The following MRPL15 variants were observed in gnomAD, a reference collection of about 807,000 sequenced individuals.
MRPL15 encodes the protein mitochondrial ribosomal protein L15, also known as large ribosomal subunit protein uL15m.
MRPL15 carries 24 observed loss-of-function variants against 28.0 expected under a neutral mutation model. The observed-to-expected ratio is 0.86, with a 90% CI of 0.62 to 1.21. The LOEUF (loss-of-function observed/expected upper bound fraction) is 1.21, where lower values mean the gene tolerates loss of function less well. Ranked by LOEUF, MRPL15 falls within the 50% of genes most tolerant of loss-of-function variation. The probability of loss-of-function intolerance (pLI) is 0.00; values close to 1 mark genes in which losing one functional copy is unlikely to be tolerated. For missense variants in MRPL15, 343 were observed against 372.4 expected (o/e 0.92, Z 0.65); for synonymous variants, 124 against 137.0 (o/e 0.90, Z 0.66).
At position 54,135,319 on chromosome 8, in the gene MRPL15, C is replaced by G; in HGVS notation, c.36C>G (p.Ala12=). Residue 12 remains alanine (A), a synonymous_variant, in exon 1 of 5, where the codon GCC becomes GCG. Coordinates refer to ENST00000260102, the MANE Select transcript of MRPL15 (RefSeq NM_014175.4). The stretch of plus-strand genomic sequence containing the variant: ...CCTTGCAGGGCGGTGGGGCCCGGGC[C>G]CTGGACCTACTCCGGGGCCTGCCGC... ...AGPLQGGGAR[A]LDLLRGLPRV... 1 of 1,473,706 alleles carries G rather than the reference C, an allele frequency of 6.8e-7. No homozygotes were observed. The highest frequency in any genetic ancestry group is 1.5e-5 in the African/African-American group (1 of 68,390). The allele number at this position is 1,473,706 out of a possible 1,614,324, so 91.3% of individuals were successfully genotyped here.
intron 3 of MRPL15, among the ~76,000 whole-genome samples, chr8:54,139,621 C>T (rs931579523): frequency 2.0e-5 from 3 of 152,224 alleles, no homozygotes; most frequent in Middle Eastern, 3.4e-3. Context: ...ATAAAAATAA[C>T]CCTGAAAACT....
At chr8:54,141,472 A>G (rs1810924686) in intron 3 of MRPL15, among the ~76,000 whole-genome samples, 1 of 152,204 alleles carries the variant, frequency 6.6e-6, no homozygotes, top group Admixed American at 6.5e-5. Context: ...GTGTACATAA[A>G]ATGGAAATGT....
At position 54,136,526 on chromosome 8, in the gene MRPL15, G is replaced by A. The variant is rs1188700754; in HGVS notation, c.124G>A (p.Gly42Ser). 6.2e-7 allele frequency: 1 copy of A among 1,613,356 alleles called. No individual in the cohort carries two copies. The change falls in exon 2 of 5, where the codon GGT (glycine) becomes AGT (serine). Residue 42 changes from glycine (G) to serine (S), a missense_variant. Transcript: ENST00000260102. ...GSKKPERRPR[G>S]RRRGRKCGRG... Reference sequence around the variant, plus strand: ...TTCCTTGCAGGAGAGAAGACCAAGAGGTCGGAGAAGAGGTAGAAAATGTGG... The same window carrying A: ...TTCCTTGCAGGAGAGAAGACCAAGAAGTCGGAGAAGAGGTAGAAAATGTGG...
intron 3 of MRPL15, among the ~76,000 whole-genome samples, chr8:54,138,099 C>T (rs1335674972): frequency 2.0e-5 from 3 of 151,216 alleles, no homozygotes; most frequent in South Asian, 2.1e-4. Context: ...GGACTATAGT[C>T]GTGCGCCACC....
At chr8:54,135,797 AC>A (rs1810820334) in intron 1 of MRPL15, among the ~76,000 whole-genome samples, 3 of 152,078 alleles carry the variant, frequency 2.0e-5, no homozygotes, top group Non-Finnish European at 4.4e-5. Context: ...TGCTGGGATT[AC>A]AGGCGTGAGC....
intron 1 of MRPL15, 103 bp from the exon 2 acceptor site, chr8:54,136,408 C>T: frequency 7.8e-7 from 1 of 1,275,668 alleles, no homozygotes; most frequent in African/African-American, 1.5e-5. Flanking sequence ...TTAGCTAGCA[C>T]TGGTGGGCTG....
Position 54,138,154 on chromosome 8 carries a change from C to T in MRPL15, c.429+721C>T, listed in dbSNP as rs577285846. On this transcript the variant is annotated intron_variant, in intron 3 of 4. Transcript: ENST00000260102. ...TATTTTTAGTAGAGATGGAGTTTCGCCATATTGGCCAAGCTGGTCTTGAAC... is the reference window on the plus strand; with the variant it reads ...TATTTTTAGTAGAGATGGAGTTTCGTCATATTGGCCAAGCTGGTCTTGAAC... Among the ~76,000 whole-genome samples, 4 of 151,666 alleles carry T rather than the reference C, an allele frequency of 2.6e-5. No homozygotes were observed. The East Asian group carries it at 7.9e-4, about 30-fold the overall frequency.
chr8:54,144,373 T>G (rs1037431495), intron 4 of MRPL15, among the ~76,000 whole-genome samples: 1 of 152,222 alleles, frequency 6.6e-6, no homozygotes, highest in Non-Finnish European at 1.5e-5. Context: ...CTTTGAAAAT[T>G]AATATATAAA....
chr8:54,146,888 C>T (rs921273660), intron 4 of MRPL15, among the ~76,000 whole-genome samples: 4 of 152,148 alleles, frequency 2.6e-5, no homozygotes, highest in South Asian at 2.1e-4. Flanking sequence ...GTTTGTTTCA[C>T]ATAAGATTTC....
intron 4 of MRPL15, among the ~76,000 whole-genome samples, chr8:54,146,015 G>A (rs145288545): frequency 6.6e-6 from 1 of 152,308 alleles, no homozygotes; most frequent in East Asian, 1.9e-4. Flanking sequence ...TGCCCTGTGT[G>A]GAGATACTGC....
chr8:54,136,566 G>A lies in MRPL15; in HGVS notation c.164G>A (p.Gly55Glu). 6.2e-7 allele frequency: 1 copy of A among 1,614,230 alleles called. No individual in the cohort carries two copies. Among genetic ancestry groups the A allele is most frequent in the Non-Finnish European group, 8.5e-7 (1 of 1,180,028 alleles). ...AGAAAATGTGGCAGAGGCCATAAAG[G>A]AGAAAGGCAAAGAGGAACCCGGCCC... is the stretch of plus-strand genomic sequence containing the variant. Reference protein sequence around the residue: ...RGRKCGRGHKGERQRGTRPRL... With the variant: ...RGRKCGRGHKEERQRGTRPRL... Residue 55 changes from glycine to glutamate, a missense_variant, in exon 2 of 5, where the codon GGA (glycine) becomes GAA (glutamate). Physicochemically the swap from Gly to Glu is moderately conservative, Grantham distance 98. Coordinates refer to ENST00000260102, the MANE Select transcript of MRPL15 (RefSeq NM_014175.4).
intron 4 of MRPL15, among the ~76,000 whole-genome samples, chr8:54,143,368 C>G (rs991679174): frequency 1.3e-5 from 2 of 152,120 alleles, no homozygotes; most frequent in East Asian, 3.9e-4. Context: ...TGTGAGCCAC[C>G]ACGCCCAACC....
chr8:54,142,338 T>C (rs1000707102), intron 3 of MRPL15, among the ~76,000 whole-genome samples: 2 of 147,666 alleles, frequency 1.4e-5, no homozygotes, highest in African/African-American at 5.0e-5. Context: ...GTATTTTTAG[T>C]AGAGATGGGG....
Position 54,136,775 on chromosome 8 carries a change from A to G in MRPL15, c.263+110A>G, listed in dbSNP as rs1023771095. Reference sequence around the variant, plus strand: ...AAATTGTAAATTCACTTTGAAGCAAACTTTTGCTACTGTTCCCCTGAACCA... The same window carrying G: ...AAATTGTAAATTCACTTTGAAGCAAGCTTTTGCTACTGTTCCCCTGAACCA... On this transcript the variant is annotated intron_variant, in intron 2 of 4. Transcript: ENST00000260102. 22 of 1,318,536 alleles carry G rather than the reference A, an allele frequency of 1.7e-5. No individual in the cohort carries two copies. The African/African-American group carries it at 3.2e-4, about 19-fold the overall frequency. The allele number at this position is 1,318,536 out of a possible 1,614,324, so 81.7% of individuals were successfully genotyped here.
At chr8:54,139,988 A>C (rs537566362) in intron 3 of MRPL15, among the ~76,000 whole-genome samples, 1 of 152,288 alleles carries the variant, frequency 6.6e-6, no homozygotes, top group South Asian at 2.1e-4. Context: ...AACATATACC[A>C]GTATTGGATA....
chr8:54,136,692 C>T, intron 2 of MRPL15, 27 bp downstream of exon 2: 2 of 1,578,104 alleles, frequency 1.3e-6, no homozygotes, highest in South Asian at 2.3e-5. Context: ...TTTTAAAGTA[C>T]AGGTCCCCAA....
At chr8:54,135,466 A>G in intron 1 of MRPL15, 75 bp downstream of exon 1, 2 of 1,232,180 alleles carry the variant, frequency 1.6e-6, no homozygotes, top group Non-Finnish European at 2.2e-6. Context: ...CCCTGTCATT[A>G]GGAGAACTGC....
chr8:54,135,819 G>A (rs928388331), intron 1 of MRPL15, among the ~76,000 whole-genome samples: 3 of 151,916 alleles, frequency 2.0e-5, no homozygotes, highest in Admixed American at 2.0e-4. Context: ...CACCGCCCCC[G>A]GCCGCACCCA....
chr8:54,140,420 C>A (rs1345972485), intron 3 of MRPL15, among the ~76,000 whole-genome samples: 1 of 150,594 alleles, frequency 6.6e-6, no homozygotes, highest in Non-Finnish European at 1.5e-5. Context: ...TGCCACCATG[C>A]CCGGCTACAT....
Sources: gnomAD v4.1 joint callset for allele counts (sites outside exome capture counted in the v4.1 genomes callset) on GRCh38, gnomAD v4.1.1 for gene constraint, MANE v1.5 for transcripts, NCBI Gene and HGNC (gene_info 2026-07-23, HGNC 2026-07-21) for gene names.